The following CWF19L2 variants were observed in gnomAD, a reference collection of about 807,000 sequenced individuals.
CWF19L2 encodes CWF19 like cell cycle control factor 2, also known as CWF19-like protein 2.
Under a neutral mutation model 111.7 loss-of-function variants are expected in CWF19L2, and 98 were observed. That is an observed-to-expected ratio of 0.88 (90% CI 0.75 to 1.04). The LOEUF (loss-of-function observed/expected upper bound fraction) is 1.04. Ranked by LOEUF, CWF19L2 falls within the 50% of genes least tolerant of loss-of-function variation. The pLI is 0.00. For missense variants in CWF19L2, 1,101 were observed against 1,051.4 expected (o/e 1.05, Z -0.65); for synonymous variants, 351 against 342.9 (o/e 1.02, Z -0.26).
chr11:107,428,574 A>G (rs1472244053), intron 8 of CWF19L2, among the ~76,000 whole-genome samples: 1 of 142,012 alleles, frequency 7.0e-6, no homozygotes, highest in African/African-American at 2.7e-5. Context: ...CATATTTTGA[A>G]CAAATATAGC....
chr11:107,378,914 G>T (rs963427944), intron 12 of CWF19L2, among the ~76,000 whole-genome samples: 13 of 152,178 alleles, frequency 8.5e-5, no homozygotes, highest in Non-Finnish European at 1.6e-4. Flanking sequence ...TTGGGCATAG[G>T]AAGACAAGAT....
At chr11:107,447,110 G>T (rs1861711710) in intron 3 of CWF19L2, among the ~76,000 whole-genome samples, 1 of 152,034 alleles carries the variant, frequency 6.6e-6, no homozygotes, top group South Asian at 2.1e-4. Context: ...AAAATAAATG[G>T]CATCAAACTA....
At chr11:107,363,355 C>T (rs1286827993) in intron 12 of CWF19L2, among the ~76,000 whole-genome samples, 1 of 151,986 alleles carries the variant, frequency 6.6e-6, no homozygotes, top group East Asian at 1.9e-4. Flanking sequence ...AAGAGCAACA[C>T]CAGGACACAT....
At chr11:107,397,887 T>C (rs540496394) in intron 10 of CWF19L2, among the ~76,000 whole-genome samples, 105 of 152,286 alleles carry the variant, frequency 6.9e-4, no homozygotes, top group Middle Eastern at 6.8e-3. Flanking sequence ...CAGGTAAACT[T>C]GCTGGGTGGC....
chr11:107,419,901 A>G (rs1565276522), intron 8 of CWF19L2, among the ~76,000 whole-genome samples: 1 of 152,166 alleles, frequency 6.6e-6, no homozygotes, highest in Non-Finnish European at 1.5e-5. Flanking sequence ...ACACTAACAG[A>G]AAGGAAAGAA....
chr11:107,354,330 G>A (rs1443379022), intron 12 of CWF19L2, among the ~76,000 whole-genome samples: 1 of 152,120 alleles, frequency 6.6e-6, no homozygotes, highest in African/African-American at 2.4e-5. Flanking sequence ...ATGGTTTAAA[G>A]CTTAGATTCC....
At chr11:107,355,134 A>T (rs977003158) in intron 12 of CWF19L2, among the ~76,000 whole-genome samples, 20 of 152,282 alleles carry the variant, frequency 1.3e-4, no homozygotes, top group Non-Finnish European at 2.5e-4. Context: ...AAAACAAAAC[A>T]GGCCAGGCGC....
chr11:107,403,818 AC>A (rs2135387160), intron 10 of CWF19L2: 1 of 840,390 alleles, frequency 1.2e-6, no homozygotes, highest in Admixed American at 1.8e-5. Flanking sequence ...AGACCGCACA[AC>A]CTTTTAAGTT....
chr11:107,432,688 T>G (rs1396557897), intron 7 of CWF19L2, among the ~76,000 whole-genome samples: 12 of 152,224 alleles, frequency 7.9e-5, no homozygotes, highest in African/African-American at 2.9e-4. Context: ...AGAACTAATC[T>G]TACTGTTGAA....
intron 8 of CWF19L2, among the ~76,000 whole-genome samples, chr11:107,425,209 C>T (rs933216073): frequency 1.3e-5 from 2 of 149,738 alleles, no homozygotes; most frequent in Non-Finnish European, 1.5e-5. Context: ...CACACACACA[C>T]ACACACAAAG....
chr11:107,401,936 A>T (rs1266995462), intron 10 of CWF19L2, among the ~76,000 whole-genome samples: 1 of 152,036 alleles, frequency 6.6e-6, no homozygotes, highest in Non-Finnish European at 1.5e-5. Context: ...CAAATACTTA[A>T]AGCCAACTGA....
At chr11:107,393,937 T>C (rs1443532706) in intron 10 of CWF19L2, among the ~76,000 whole-genome samples, 1 of 152,156 alleles carries the variant, frequency 6.6e-6, no homozygotes. Flanking sequence ...ACAATTTTTA[T>C]TATTCAGGTG....
chr11:107,356,513 G>A (rs1860239201), intron 12 of CWF19L2, among the ~76,000 whole-genome samples: 2 of 151,928 alleles, frequency 1.3e-5, no homozygotes, highest in South Asian at 4.1e-4. Context: ...TATACTTCTT[G>A]ACTTTTCCAG....
In CWF19L2 at chr11:107,439,132, C is replaced by T; in HGVS notation, c.622G>A (p.Gly208Ser). 6.2e-7 allele frequency: 1 copy of T among 1,608,104 alleles called. No individual in the cohort carries two copies. Among genetic ancestry groups the T allele is most frequent in the South Asian group, 1.1e-5 (1 of 90,672 alleles). Residue 208 changes from glycine to serine, a missense_variant, in exon 6 of 18, where the codon GGT becomes AGT. By Grantham distance (56) the Gly-to-Ser change is moderately conservative. Transcript: ENST00000282251. ...ACACTACAGTCTTCAGGTGGAAGACCTGTCCCACCATCCTTCCAGTACGGA... is the reference window on the plus strand; with the variant it reads ...ACACTACAGTCTTCAGGTGGAAGACTTGTCCCACCATCCTTCCAGTACGGA... ...LNPYWKDGGT[G>S]LPPEDCSVSS...
chr11:107,351,933 A>G (rs1284320968), intron 13 of CWF19L2, among the ~76,000 whole-genome samples: 1 of 152,202 alleles, frequency 6.6e-6, no homozygotes, highest in Admixed American at 6.5e-5. Context: ...GTCTTAAGCC[A>G]CTAAATTTTG....
intron 14 of CWF19L2, among the ~76,000 whole-genome samples, chr11:107,337,369 G>T (rs1233537860): frequency 3.3e-4 from 2 of 6,152 alleles, no homozygotes; most frequent in Admixed American, 1.2e-3. Flanking sequence ...TGTGTGTTTT[G>T]TGTGTGTGTG....
chr11:107,438,953 T>TCACTTGAG, intron 6 of CWF19L2, 137 bp downstream of exon 6: 1 of 540,648 alleles, frequency 1.8e-6, no homozygotes, highest in South Asian at 2.5e-5. Flanking sequence ...GGTGGGAGGA[T>TCACTTGAG]CACTTGAGGG....
At chr11:107,363,008 G>A (rs909138580) in intron 12 of CWF19L2, among the ~76,000 whole-genome samples, 30 of 152,230 alleles carry the variant, frequency 2.0e-4, no homozygotes, top group African/African-American at 6.3e-4. Context: ...ACCAAGGCTC[G>A]AGAACTACGT....
chr11:107,451,592 G>A (rs922619278), intron 3 of CWF19L2, among the ~76,000 whole-genome samples: 2 of 151,988 alleles, frequency 1.3e-5, no homozygotes, highest in African/African-American at 2.4e-5. Flanking sequence ...ACCAAAATCA[G>A]GGATGAAAGA....
Sources: gnomAD v4.1 joint callset for allele counts (sites outside exome capture counted in the v4.1 genomes callset) on GRCh38, gnomAD v4.1.1 for gene constraint, MANE v1.5 for transcripts, NCBI Gene and HGNC (gene_info 2026-07-23, HGNC 2026-07-21) for gene names.